MFSD2B: variants seen among roughly 807,000 people sequenced by gnomAD.
MFSD2B encodes sphingosine-1-phosphate transporter MFSD2B.
In MFSD2B, 56 loss-of-function variants were observed where a neutral mutation model predicts 58.4. The observed-to-expected ratio is 0.96, with a 90% CI of 0.77 to 1.20. The LOEUF is 1.20. Ranked by LOEUF, MFSD2B falls within the 50% of genes most tolerant of loss-of-function variation. The pLI is 0.00. For synonymous variants in MFSD2B, 287 were observed against 294.4 expected (o/e 0.97, Z 0.26); for missense variants, 645 against 667.6 (o/e 0.97, Z 0.37).
At position 24,022,177 on chromosome 2, in the gene MFSD2B, G is replaced by A. The variant is rs1662815544; in HGVS notation, c.894+207G>A. On this transcript the variant is annotated intron_variant, in intron 8 of 13. Coordinates refer to ENST00000338315, the MANE Select transcript of MFSD2B (RefSeq NM_001346880.2). The surrounding 1 kb of genome is among the most constrained non-coding windows in gnomAD (Gnocchi z 4.5). The stretch of plus-strand genomic sequence containing the variant: ...GGGCACTAGGAGGCTGACAATGTCT[G>A]GGCGGTTTCCTCTCACATTACCTGA... Among the ~76,000 whole-genome samples the A allele has an allele frequency of 1.3e-5, 2 of 152,188 alleles. No homozygotes were observed. Among genetic ancestry groups the A allele is most frequent in the South Asian group, 4.1e-4 (2 of 4,828 alleles).
Position 24,023,258 on chromosome 2 carries a change from C to A in MFSD2B, c.1169+19C>A, listed in dbSNP as rs758863744. The A allele has an allele frequency of 2.5e-6, 4 of 1,588,838 alleles. No individual in the cohort carries two copies. Among genetic ancestry groups the A allele is most frequent in the African/African-American group, 2.7e-5 (2 of 74,384 alleles). ...TACCCTGGTAGGCTGGGTGTGGGGG[C>A]CTCACGTGTGTCCACAGTGGGTGTC... On this transcript the variant is annotated intron_variant, in intron 11 of 13. Coordinates refer to ENST00000338315, the MANE Select transcript of MFSD2B (RefSeq NM_001346880.2). This position sits in a 1 kb window ranked among gnomAD's most constrained non-coding sequence, Gnocchi z 5.0.
chr2:24,024,279 C>T lies in MFSD2B; in HGVS notation c.1490+8C>T. Reference sequence around the variant, plus strand: ...CCGGCTGAGCCTTCGGAGGTAAGCCCCGCACGCCCCCTGCAGCCAGCGAGG... The same window carrying T: ...CCGGCTGAGCCTTCGGAGGTAAGCCTCGCACGCCCCCTGCAGCCAGCGAGG... On this transcript the variant is annotated splice_region_variant and intron_variant, in intron 13 of 13. Transcript: ENST00000338315. This position sits in a 1 kb window ranked among gnomAD's most constrained non-coding sequence, Gnocchi z 4.3. 6.3e-7 allele frequency: 1 copy of T among 1,592,560 alleles called. No individual in the cohort carries two copies. The highest frequency in any genetic ancestry group is 8.5e-7 in the Non-Finnish European group (1 of 1,170,840).
At chr2:24,011,025 G>A (rs1708935682) in intron 1 of MFSD2B, among the ~76,000 whole-genome samples, 1 of 152,228 alleles carries the variant, frequency 6.6e-6, no homozygotes, top group Non-Finnish European at 1.5e-5. Context: ...TCGCATTGCT[G>A]ATGAAGTTCC....
chr2:24,022,070 C>T lies in MFSD2B; in HGVS notation c.894+100C>T. 1 of 1,392,618 alleles carries T rather than the reference C, an allele frequency of 7.2e-7. No homozygotes were observed. The highest frequency in any genetic ancestry group is 1.0e-6 in the Non-Finnish European group (1 of 1,000,660). 86.3% of individuals were successfully genotyped at this position (1,392,618 alleles called of 1,614,324 possible). On this transcript the variant is annotated intron_variant, in intron 8 of 13. Transcript: ENST00000338315. This position sits in a 1 kb window ranked among gnomAD's most constrained non-coding sequence, Gnocchi z 4.5. ...TGGCTTGAGTTTTATAGGGAGAAAC[C>T]TGCGGCTGGCACATGGCTCAGAGGG...
chr2:24,018,092 T>G, intron 6 of MFSD2B: 1 of 156,396 alleles, frequency 6.4e-6, no homozygotes, highest in Non-Finnish European at 1.4e-5. Context: ...CACACCTCTA[T>G]TTTATCCACC....
Position 24,023,386 on chromosome 2 carries a change from A to C in MFSD2B, c.1169+147A>C. 1 of 895,602 alleles carries C rather than the reference A, an allele frequency of 1.1e-6. No individual in the cohort carries two copies. Among genetic ancestry groups the C allele is most frequent in the South Asian group, 1.5e-5 (1 of 65,456 alleles). The allele number at this position is 895,602 out of a possible 1,614,324, so 55.5% of individuals were successfully genotyped here. ...CTCAGAGCCCTCCTGAGAGGACATC[A>C]GGCAGTAGGAATGGCGGGGGGCCGG... On this transcript the variant is annotated intron_variant, in intron 11 of 13. Transcript: ENST00000338315. The surrounding 1 kb of genome is among the most constrained non-coding windows in gnomAD (Gnocchi z 5.0).
In MFSD2B at chr2:24,017,105, A is replaced by G. The variant is rs913454040; in HGVS notation, c.471+137A>G. On this transcript the variant is annotated intron_variant, in intron 4 of 13. Transcript: ENST00000338315. The surrounding 1 kb of genome is among the most constrained non-coding windows in gnomAD (Gnocchi z 4.8). The stretch of plus-strand genomic sequence containing the variant: ...CTGGACCATGCCATTGGCACTCGCC[A>G]GCCTTGCGCGGGACTGGCTGCCCCC... The G allele has an allele frequency of 2.8e-6, 4 of 1,404,368 alleles. 1 individual carries two copies. In the East Asian group the frequency reaches 9.5e-5, roughly 33 times the overall value. The allele number at this position is 1,404,368 out of a possible 1,614,324, so 87.0% of individuals were successfully genotyped here. A position where few individuals can be genotyped will look rare whatever the true frequency, so the allele number is the denominator to read the frequency against.
Position 24,016,862 on chromosome 2 carries a change from C to G in MFSD2B, c.365C>G (p.Pro122Arg). 1.2e-6 allele frequency: 2 copies of G among 1,613,714 alleles called. No individual in the cohort carries two copies. Among genetic ancestry groups the G allele is most frequent in the Non-Finnish European group, 1.7e-6 (2 of 1,179,844 alleles). The change falls in exon 4 of 14, where the codon CCC becomes CGC. Residue 122 changes from proline to arginine, a missense_variant. Pro to Arg is a moderately radical substitution (Grantham distance 103, BLOSUM62 -2). Coordinates refer to ENST00000338315, the MANE Select transcript of MFSD2B (RefSeq NM_001346880.2). ...RLMPWVLGCT[P>R]FIALAYFFLW... The stretch of plus-strand genomic sequence containing the variant: ...TTCCGCAGGGTGCTGGGCTGCACCC[C>G]CTTCATCGCCCTGGCCTACTTCTTC...
chr2:24,022,119 G>C lies in MFSD2B; in HGVS notation c.894+149G>C, dbSNP rs560718235. 2 of 987,396 alleles carry C rather than the reference G, an allele frequency of 2.0e-6. No individual in the cohort carries two copies. The highest frequency in any genetic ancestry group is 3.2e-5 in the African/African-American group (2 of 62,064). The allele number at this position is 987,396 out of a possible 1,614,324, so 61.2% of individuals were successfully genotyped here. ...GGGCTGGTGCCGGGAGGGAGATCCC[G>C]GTAGGGCTTGTGGGAATGGAGGGCC... On this transcript the variant is annotated intron_variant, in intron 8 of 13. Coordinates refer to ENST00000338315, the MANE Select transcript of MFSD2B (RefSeq NM_001346880.2). The surrounding 1 kb of genome is among the most constrained non-coding windows in gnomAD (Gnocchi z 4.5).
chr2:24,013,759 TG>T (rs1244736151), intron 2 of MFSD2B, among the ~76,000 whole-genome samples: 213 of 41,058 alleles, frequency 5.2e-3, no homozygotes, highest in East Asian at 0.038. Flanking sequence ...TGAATTTTTT[TG>T]TTTTTTTTTT....
intron 6 of MFSD2B, among the ~76,000 whole-genome samples, chr2:24,019,117 C>T (rs966551045): frequency 1.2e-4 from 19 of 152,116 alleles, no homozygotes; most frequent in Non-Finnish European, 2.4e-4. Context: ...TCCCAAAGTG[C>T]TGGGATTACA....
At position 24,011,590 on chromosome 2, in the gene MFSD2B, AG is replaced by A. The variant is rs1467751661; in HGVS notation, c.96+1399del. 2.4e-4 allele frequency among the ~76,000 whole-genome samples: 37 copies of A among 152,298 alleles called. 1 individual carries two copies. Among genetic ancestry groups the A allele is most frequent in the African/African-American group, 8.7e-4 (36 of 41,564 alleles). Reference sequence around the variant, plus strand: ...AAGCCATGTCATCTCCACTCCCTCCAGCCCCCAGCAAACGATGAGAAAAGAG... The same window carrying A: ...AAGCCATGTCATCTCCACTCCCTCCACCCCCAGCAAACGATGAGAAAAGAG... On this transcript the variant is annotated intron_variant, in intron 1 of 13. Coordinates refer to ENST00000338315, the MANE Select transcript of MFSD2B (RefSeq NM_001346880.2).
At chr2:24,015,439 G>A (rs1437803228) in intron 2 of MFSD2B, among the ~76,000 whole-genome samples, 1 of 152,082 alleles carries the variant, frequency 6.6e-6, no homozygotes, top group Non-Finnish European at 1.5e-5. Context: ...GCAACAGAGC[G>A]AGGCCCTGTC....
intron 2 of MFSD2B, among the ~76,000 whole-genome samples, chr2:24,015,869 G>A (rs1388213253): frequency 6.6e-6 from 1 of 152,234 alleles, no homozygotes; most frequent in African/African-American, 2.4e-5. Flanking sequence ...TGTCAGCCCA[G>A]AGGCACCCTC....
At chr2:24,016,405 G>A (rs1709146745) in intron 3 of MFSD2B, 125 bp downstream of exon 3, 15 of 1,055,800 alleles carry the variant, frequency 1.4e-5, no homozygotes, top group Non-Finnish European at 2.0e-5. Flanking sequence ...GGATAATATC[G>A]CAGGTGCACT....
At position 24,026,391 on chromosome 2, in the gene MFSD2B, A is replaced by G. The variant is rs1051875901; in HGVS notation, c.*935A>G. 22 of 152,238 alleles carry G rather than the reference A, an allele frequency of 1.4e-4. No individual in the cohort carries two copies. The highest frequency in any genetic ancestry group is 4.8e-4 in the African/African-American group (20 of 41,458). 9.4% of individuals were successfully genotyped at this position (152,238 alleles called of 1,614,324 possible). A position where few individuals can be genotyped will look rare whatever the true frequency, so the allele number is the denominator to read the frequency against. On this transcript the variant is annotated 3_prime_UTR_variant, in exon 14 of 14. Transcript: ENST00000338315. The stretch of plus-strand genomic sequence containing the variant: ...GTGAGGGGAACATCTTTTGTTATAC[A>G]TAAGAAGCCCTTTTCAAACAGATCT...
Position 24,023,771 on chromosome 2 carries a change from G to A in MFSD2B, c.1313+45G>A, listed in dbSNP as rs777151110. ...TACAGCAGAGGCACCAAGGACCAGTGGGCAGGAAGAGGGCAAAGCCCCTCA... is the reference window on the plus strand; with the variant it reads ...TACAGCAGAGGCACCAAGGACCAGTAGGCAGGAAGAGGGCAAAGCCCCTCA... On this transcript the variant is annotated intron_variant, in intron 12 of 13. Coordinates refer to ENST00000338315, the MANE Select transcript of MFSD2B (RefSeq NM_001346880.2). This position sits in a 1 kb window ranked among gnomAD's most constrained non-coding sequence, Gnocchi z 5.0. 1 of 1,602,476 alleles carries A rather than the reference G, an allele frequency of 6.2e-7. No homozygotes were observed. Among genetic ancestry groups the A allele is most frequent in the African/African-American group, 1.3e-5 (1 of 74,806 alleles).
Position 24,025,686 on chromosome 2 carries a change from A to C in MFSD2B, c.*230A>C. 1.1e-5 allele frequency: 6 copies of C among 535,492 alleles called. No individual in the cohort carries two copies. In the South Asian group the frequency reaches 1.6e-4, roughly 14 times the overall value. 33.2% of individuals were successfully genotyped at this position (535,492 alleles called of 1,614,324 possible). On this transcript the variant is annotated 3_prime_UTR_variant, in exon 14 of 14. Transcript: ENST00000338315. ...TATCTCAGATAGGCCTGTGCCCCTG[A>C]CTAGCCCAGTAGCACTTGTCTCTAG...
rs922452579 is a variant in MFSD2B, at chr2:24,022,591, A to T, written c.978+75A>T. On this transcript the variant is annotated intron_variant, in intron 9 of 13. Coordinates refer to ENST00000338315, the MANE Select transcript of MFSD2B (RefSeq NM_001346880.2). This position sits in a 1 kb window ranked among gnomAD's most constrained non-coding sequence, Gnocchi z 4.5. ...GGGGACATGTGTGGTCCTTGATGTG[A>T]CACATATGGCCAGAGTTCTGGTGGT... is the stretch of plus-strand genomic sequence containing the variant. The T allele has an allele frequency of 4.8e-6, 6 of 1,238,552 alleles. No homozygotes were observed. The African/African-American group carries it at 7.5e-5, about 16-fold the overall frequency. 76.7% of individuals were successfully genotyped at this position (1,238,552 alleles called of 1,614,324 possible). A position where few individuals can be genotyped will look rare whatever the true frequency, so the allele number is the denominator to read the frequency against.
Sources: gnomAD v4.1 joint callset for allele counts (sites outside exome capture counted in the v4.1 genomes callset) on GRCh38, gnomAD v4.1.1 for gene constraint, Gnocchi (gnomAD v3.1) non-coding constraint, MANE v1.5 for transcripts, NCBI Gene and HGNC (gene_info 2026-07-23, HGNC 2026-07-21) for gene names.